CAMK1D: variants seen among roughly 807,000 people sequenced by gnomAD.
The protein encoded by CAMK1D is calcium/calmodulin dependent protein kinase ID.
In CAMK1D, 9 loss-of-function variants were observed where a neutral mutation model predicts 47.7. The ratio of observed to expected loss-of-function variants is 0.19; its 90% CI spans 0.11 to 0.33. The LOEUF (loss-of-function observed/expected upper bound fraction) is 0.33. CAMK1D is among the 10% of genes least tolerant of loss of function. The pLI, the probability that CAMK1D is intolerant of heterozygous loss-of-function variation, is 1.00. For synonymous variants in CAMK1D, 184 were observed against 184.9 expected (o/e 0.99, Z 0.04); for missense variants, 291 against 488.7 (o/e 0.60, Z 3.81).
intron 3 of CAMK1D, among the ~76,000 whole-genome samples, chr10:12,727,697 A>G (rs546794133): frequency 3.3e-5 from 5 of 152,138 alleles, no homozygotes; most frequent in East Asian, 1.9e-4. Flanking sequence ...GCGTATCACA[A>G]TATATCATAG....
At chr10:12,632,215 A>G (rs996399392) in intron 2 of CAMK1D, among the ~76,000 whole-genome samples, 1 of 152,176 alleles carries the variant, frequency 6.6e-6, no homozygotes. Context: ...CCATTTAACA[A>G]GTGATTATTT....
intron 1 of CAMK1D, among the ~76,000 whole-genome samples, chr10:12,426,157 C>T (rs1052969451): frequency 5.3e-5 from 8 of 152,210 alleles, no homozygotes; most frequent in South Asian, 2.1e-4. Context: ...TTAGGCTTGA[C>T]GTGGAGTCAG....
At chr10:12,689,690 C>CAA (rs1832797458) in intron 3 of CAMK1D, among the ~76,000 whole-genome samples, 1 of 151,578 alleles carries the variant, frequency 6.6e-6, no homozygotes, top group African/African-American at 2.4e-5. Context: ...GCAGGAGAAT[C>CAA]GCTTGAACCC....
intron 1 of CAMK1D, among the ~76,000 whole-genome samples, chr10:12,532,243 G>T (rs1835827380): frequency 6.6e-6 from 1 of 151,220 alleles, no homozygotes; most frequent in African/African-American, 2.4e-5. Context: ...GATACATATT[G>T]ACCACTTGGC....
intron 4 of CAMK1D, among the ~76,000 whole-genome samples, chr10:12,768,757 G>A (rs1836898017): frequency 6.6e-6 from 1 of 150,958 alleles, no homozygotes; most frequent in Non-Finnish European, 1.5e-5. Flanking sequence ...CCACGCAGCA[G>A]TGCAAGGACA....
chr10:12,384,181 A>T, intron 1 of CAMK1D, among the ~76,000 whole-genome samples: 1 of 152,244 alleles, frequency 6.6e-6, no homozygotes, highest in South Asian at 2.1e-4. Context: ...GCAAACTACA[A>T]AACATCATTG....
intron 1 of CAMK1D, among the ~76,000 whole-genome samples, chr10:12,517,160 T>C (rs1835235591): frequency 6.6e-6 from 1 of 152,220 alleles, no homozygotes; most frequent in African/African-American, 2.4e-5. Flanking sequence ...TAGTATTATT[T>C]TTAAAATTTT....
chr10:12,468,596 C>G (rs1833658315), intron 1 of CAMK1D, among the ~76,000 whole-genome samples: 1 of 152,140 alleles, frequency 6.6e-6, no homozygotes, highest in African/African-American at 2.4e-5. Flanking sequence ...TAAAAAGACT[C>G]CTTCACAGCC....
intron 1 of CAMK1D, among the ~76,000 whole-genome samples, chr10:12,363,988 G>C (rs1054907729): frequency 1.3e-5 from 2 of 152,158 alleles, no homozygotes; most frequent in Non-Finnish European, 1.5e-5. Flanking sequence ...TGCTGGATCA[G>C]ATGGTCATTC....
intron 1 of CAMK1D, among the ~76,000 whole-genome samples, chr10:12,379,623 C>T (rs1484867951): frequency 1.3e-5 from 2 of 151,784 alleles, no homozygotes; most frequent in South Asian, 2.1e-4. Context: ...CATGGTGGTG[C>T]ACATCTGTAA....
chr10:12,419,378 C>T (rs368072650), intron 1 of CAMK1D, among the ~76,000 whole-genome samples: 11 of 152,086 alleles, frequency 7.2e-5, no homozygotes, highest in East Asian at 3.9e-4. Flanking sequence ...GTGAACACTG[C>T]GCAGTAACAT....
At chr10:12,730,022 C>T (rs1190629932) in intron 3 of CAMK1D, among the ~76,000 whole-genome samples, 10 of 152,124 alleles carry the variant, frequency 6.6e-5, no homozygotes, top group Admixed American at 2.6e-4. Context: ...TGGACAGAGG[C>T]GAATTGTGAT....
At chr10:12,755,527 T>C (rs1291502215) in intron 3 of CAMK1D, among the ~76,000 whole-genome samples, 1 of 152,146 alleles carries the variant, frequency 6.6e-6, no homozygotes, top group Non-Finnish European at 1.5e-5. Flanking sequence ...AGTAATGGGG[T>C]TGCTGGGTTA....
intron 5 of CAMK1D, among the ~76,000 whole-genome samples, chr10:12,785,585 G>C (rs900744527): frequency 1.3e-5 from 2 of 152,314 alleles, no homozygotes; most frequent in African/African-American, 4.8e-5. Flanking sequence ...ATCACTTTCC[G>C]AGGCCCCGGA....
intron 2 of CAMK1D, among the ~76,000 whole-genome samples, chr10:12,616,509 T>TTTG (rs71762629): frequency 1.4e-3 from 207 of 151,278 alleles, no homozygotes; most frequent in East Asian, 2.2e-3. Flanking sequence ...TTGTTTGTTT[T>TTTG]TTGTTGTTGT....
chr10:12,457,028 A>G (rs1195066346), intron 1 of CAMK1D, among the ~76,000 whole-genome samples: 2 of 152,132 alleles, frequency 1.3e-5, no homozygotes, highest in Non-Finnish European at 2.9e-5. Flanking sequence ...TCAATAAGGG[A>G]CTGGTTAAAG....
intron 2 of CAMK1D, among the ~76,000 whole-genome samples, chr10:12,661,590 T>C (rs868493631): frequency 1.3e-5 from 2 of 152,366 alleles, no homozygotes; most frequent in South Asian, 4.1e-4. Flanking sequence ...AAAACAGCAA[T>C]GTAAGCAAGG....
intron 2 of CAMK1D, among the ~76,000 whole-genome samples, chr10:12,616,033 GGGT>G (rs1838799992): frequency 2.7e-5 from 4 of 150,612 alleles, no homozygotes; most frequent in South Asian, 4.2e-4. Flanking sequence ...CTGTGTGTGT[GGGT>G]GTGTGAGTGC....
intron 5 of CAMK1D, among the ~76,000 whole-genome samples, chr10:12,782,465 C>CT (rs1837542235): frequency 6.6e-6 from 1 of 152,146 alleles, no homozygotes; most frequent in Non-Finnish European, 1.5e-5. Context: ...TTTTCCTGAT[C>CT]TTTAAGTTCT....
Sources: allele counts gnomAD v4.1 joint callset (sites outside exome capture counted in the v4.1 genomes callset), GRCh38; gene constraint gnomAD v4.1.1; transcripts MANE v1.5; gene names NCBI Gene and HGNC (gene_info 2026-07-23, HGNC 2026-07-21).